The following CCDC68 variants were observed in gnomAD, a reference collection of about 807,000 sequenced individuals.
The protein encoded by CCDC68 is coiled-coil domain containing 68.
In CCDC68, 45 loss-of-function variants were observed where a neutral mutation model predicts 47.1. The observed-to-expected ratio is 0.96, with a 90% confidence interval of 0.75 to 1.23. The LOEUF is 1.23. CCDC68 is among the 50% of genes most tolerant of loss of function. CCDC68 has a pLI of 0.00. For synonymous variants in CCDC68, 131 were observed against 129.5 expected (o/e 1.01, Z -0.08); for missense variants, 353 against 373.6 (o/e 0.94, Z 0.45).
intron 1 of CCDC68, among the ~76,000 whole-genome samples, chr18:54,950,788 G>A (rs1364907995): frequency 4.1e-5 from 4 of 97,330 alleles, no homozygotes; most frequent in Non-Finnish European, 4.2e-5. Flanking sequence ...TATCTTCAGT[G>A]TATATATATA....
intron 7 of CCDC68, among the ~76,000 whole-genome samples, chr18:54,933,282 A>G (rs1369286537): frequency 6.6e-6 from 1 of 151,970 alleles, no homozygotes; most frequent in Non-Finnish European, 1.5e-5. Context: ...GGGTTTCACC[A>G]TGTTGGCCAG....
In CCDC68 at chr18:54,907,994, C is replaced by T. The variant is rs1017106596; in HGVS notation, c.874-132G>A. On this transcript the variant is annotated intron_variant, in intron 10 of 11. Coordinates refer to ENST00000591504, the MANE Select transcript of CCDC68 (RefSeq NM_025214.3). The stretch of plus-strand genomic sequence containing the variant: ...TTGTTATTGCAGTTATGCTATAGAA[C>T]ACAGAAAATAGCCAGTTGAAAGTCA... 4.9e-6 allele frequency: 3 copies of T among 614,628 alleles called. No individual in the cohort carries two copies. The East Asian group carries it at 8.2e-5, about 17-fold the overall frequency. The allele number at this position is 614,628 out of a possible 1,614,324, so 38.1% of individuals were successfully genotyped here. A position where few individuals can be genotyped will look rare whatever the true frequency, so the allele number is the denominator to read the frequency against.
Position 54,948,923 on chromosome 18 carries a change from G to A in CCDC68, c.-102-3446C>T, listed in dbSNP as rs1023572234. On this transcript the variant is annotated intron_variant, in intron 1 of 11. Transcript: ENST00000591504. ...AGCCATGTGGCTCTCTGGGATCTAG[G>A]AGAAGAGAGTTCCAGGCAAATGGGA... Among the ~76,000 whole-genome samples the A allele has an allele frequency of 2.6e-5, 4 of 152,344 alleles. No individual in the cohort carries two copies. In the South Asian group the frequency reaches 8.3e-4, roughly 32 times the overall value.
intron 11 of CCDC68, among the ~76,000 whole-genome samples, chr18:54,905,910 C>T (rs559064595): frequency 1.3e-5 from 2 of 152,304 alleles, no homozygotes; most frequent in African/African-American, 2.4e-5. Context: ...GGTGCACGAA[C>T]CCCATTGTGA....
chr18:54,923,820 T>G (rs1007662707), intron 8 of CCDC68, among the ~76,000 whole-genome samples: 11 of 152,200 alleles, frequency 7.2e-5, no homozygotes, highest in Admixed American at 3.9e-4. Context: ...TAAGTGATTC[T>G]CCTGCCTTAG....
At chr18:54,936,193 T>C (rs2044341180) in intron 6 of CCDC68, among the ~76,000 whole-genome samples, 2 of 143,982 alleles carry the variant, frequency 1.4e-5, no homozygotes, top group Non-Finnish European at 1.5e-5. Flanking sequence ...GATAAATATA[T>C]ATAATTATTT....
At chr18:54,931,503 G>A (rs769818662) in intron 7 of CCDC68, among the ~76,000 whole-genome samples, 6 of 152,184 alleles carry the variant, frequency 3.9e-5, no homozygotes, top group Non-Finnish European at 7.3e-5. Flanking sequence ...TAGAGAAGAC[G>A]GGGGCATAAT....
intron 6 of CCDC68, among the ~76,000 whole-genome samples, chr18:54,935,693 C>T (rs2044332422): frequency 6.6e-6 from 1 of 152,128 alleles, no homozygotes; most frequent in African/African-American, 2.4e-5. Flanking sequence ...ACCCAGCATG[C>T]ATGTGAGTTT....
At chr18:54,951,098 C>CG (rs1323977788) in intron 1 of CCDC68, among the ~76,000 whole-genome samples, 1 of 150,378 alleles carries the variant, frequency 6.6e-6, no homozygotes, top group Non-Finnish European at 1.5e-5. Context: ...TTAGTAGAGA[C>CG]GGGGTTTCAC....
intron 1 of CCDC68, among the ~76,000 whole-genome samples, chr18:54,953,458 T>C (rs781416896): frequency 3.3e-5 from 5 of 152,134 alleles, no homozygotes; most frequent in Admixed American, 6.6e-5. Context: ...GATTTGTTTT[T>C]CTTCATTCAA....
At chr18:54,904,672 G>A (rs1225349227) in intron 11 of CCDC68, among the ~76,000 whole-genome samples, 1 of 152,168 alleles carries the variant, frequency 6.6e-6, no homozygotes, top group Non-Finnish European at 1.5e-5. Context: ...AGGGAAGCCG[G>A]AGAGAGGAAG....
intron 8 of CCDC68, among the ~76,000 whole-genome samples, chr18:54,920,392 C>G (rs910004814): frequency 1.3e-5 from 2 of 151,956 alleles, no homozygotes; most frequent in South Asian, 4.2e-4. Context: ...AAGCATGCAC[C>G]ACCACACCTG....
intron 8 of CCDC68, among the ~76,000 whole-genome samples, chr18:54,925,035 T>C (rs1193618408): frequency 1.3e-5 from 2 of 152,208 alleles, no homozygotes; most frequent in African/African-American, 4.8e-5. Flanking sequence ...CCCTGGGCAA[T>C]TTTCTTTCTG....
chr18:54,919,434 C>T lies in CCDC68; in HGVS notation c.684-58G>A, dbSNP rs2044015221. ...AATGATTGGCTCACACGTTCCATAG[C>T]TCGTCCTTACTGCTAGCCCTCCTAC... On this transcript the variant is annotated intron_variant, in intron 8 of 11. Coordinates refer to ENST00000591504, the MANE Select transcript of CCDC68 (RefSeq NM_025214.3). The T allele has an allele frequency of 2.2e-6, 3 of 1,336,294 alleles. No individual in the cohort carries two copies. The South Asian group carries it at 3.5e-5, about 16-fold the overall frequency. The allele number at this position is 1,336,294 out of a possible 1,614,324, so 82.8% of individuals were successfully genotyped here.
At chr18:54,929,719 T>A (rs993363724) in intron 7 of CCDC68, among the ~76,000 whole-genome samples, 2 of 152,180 alleles carry the variant, frequency 1.3e-5, no homozygotes, top group Non-Finnish European at 2.9e-5. Flanking sequence ...TGTTTAAAAT[T>A]ACTTCCCGCT....
intron 10 of CCDC68, among the ~76,000 whole-genome samples, chr18:54,909,661 A>G (rs867734303): frequency 1.3e-5 from 2 of 152,300 alleles, no homozygotes; most frequent in Middle Eastern, 6.8e-3. Flanking sequence ...GCCACTGTGT[A>G]TAGTCAAACA....
chr18:54,957,146 A>G (rs1403160629), intron 1 of CCDC68, among the ~76,000 whole-genome samples: 1 of 152,200 alleles, frequency 6.6e-6, no homozygotes, highest in African/African-American at 2.4e-5. Flanking sequence ...TTTAATTTGC[A>G]TGAAATTGAT....
intron 10 of CCDC68, among the ~76,000 whole-genome samples, chr18:54,915,178 G>A (rs2043924017): frequency 6.6e-6 from 1 of 152,210 alleles, no homozygotes; most frequent in South Asian, 2.1e-4. Flanking sequence ...GTAAGCTATT[G>A]GAGCCACAAT....
intron 8 of CCDC68, 77 bp downstream of exon 8, chr18:54,928,723 T>G: frequency 1.1e-6 from 1 of 893,556 alleles, no homozygotes; most frequent in Non-Finnish European, 1.9e-6. Context: ...CAGAAGGTCT[T>G]CTGTTCCCTG....
Sources: gnomAD v4.1 joint callset for allele counts (sites outside exome capture counted in the v4.1 genomes callset) on GRCh38, gnomAD v4.1.1 for gene constraint, MANE v1.5 for transcripts, NCBI Gene and HGNC (gene_info 2026-07-23, HGNC 2026-07-21) for gene names.